Variants in CASR observed in about 807,000 individuals in gnomAD.
The protein encoded by CASR is extracellular calcium-sensing receptor.
Under a neutral mutation model 69.1 loss-of-function variants are expected in CASR, and 23 were observed. The ratio of observed to expected loss-of-function variants is 0.33; its 90% CI spans 0.24 to 0.47. The LOEUF is 0.47. Among genes scored for constraint, CASR ranks in the 20% least tolerant of loss-of-function variants. The pLI is 1.00. For synonymous variants in CASR, 541 were observed against 544.7 expected (o/e 0.99, Z 0.10); for missense variants, 924 against 1,356.1 (o/e 0.68, Z 5.00).
At chr3:122,227,350 G>A (rs901573335) in intron 1 of CASR, among the ~76,000 whole-genome samples, 1 of 152,220 alleles carries the variant, frequency 6.6e-6, no homozygotes, top group Non-Finnish European at 1.5e-5. Context: ...CGGGCTGCAG[G>A]TCCCAAGCCC....
intron 5 of CASR, among the ~76,000 whole-genome samples, chr3:122,276,536 CAAAG>C (rs2074823350): frequency 6.6e-6 from 1 of 152,210 alleles, no homozygotes; most frequent in East Asian, 1.9e-4. Context: ...GCTTACATGA[CAAAG>C]AATTGATCCC....
rs191969343 is a variant in CASR at position 122,258,986 on chromosome 3, C to T, written c.492+1599C>T. Among the ~76,000 whole-genome samples the T allele has an allele frequency of 1.0e-3, 153 of 152,074 alleles. 1 individual carries two copies. Among genetic ancestry groups the T allele is most frequent in the Admixed American group, 1.5e-3 (23 of 15,274 alleles). ...GTATTTCGTATGCCAGCCACGCCAC[C>T]AAGTGGATGGAACAAGCAGACCAGC... On this transcript the variant is annotated intron_variant, in intron 3 of 6. Coordinates refer to ENST00000639785, the MANE Select transcript of CASR (RefSeq NM_000388.4).
In CASR at chr3:122,254,173, G is replaced by A; in HGVS notation, c.-17G>A. 1 of 1,612,214 alleles carries A rather than the reference G, an allele frequency of 6.2e-7. No individual in the cohort carries two copies. The highest frequency in any genetic ancestry group is 1.1e-5 in the South Asian group (1 of 91,006). On this transcript the variant is annotated 5_prime_UTR_variant, in exon 2 of 7. Transcript: ENST00000639785. ...TCCTAGCTGTCTCATCCCTTGCCCT[G>A]GAGAGACGGCAGAACCATGGCATTT... is the stretch of plus-strand genomic sequence containing the variant.
At chr3:122,243,562 T>C (rs1362998467) in intron 1 of CASR, among the ~76,000 whole-genome samples, 5 of 152,122 alleles carry the variant, frequency 3.3e-5, no homozygotes, top group Admixed American at 6.5e-5. Context: ...GGAACTCTCA[T>C]ACGCTGTTGG....
intron 1 of CASR, among the ~76,000 whole-genome samples, chr3:122,188,693 G>GA (rs2107578438): frequency 6.6e-6 from 1 of 152,188 alleles, no homozygotes; most frequent in South Asian, 2.1e-4. Context: ...TCATTGCCTT[G>GA]AAGTGACAGA....
chr3:122,187,498 T>C (rs572637140), intron 1 of CASR, among the ~76,000 whole-genome samples: 3 of 152,236 alleles, frequency 2.0e-5, no homozygotes, highest in Non-Finnish European at 4.4e-5. Flanking sequence ...AAGGAGTTCA[T>C]AGAAGTCTGA....
At chr3:122,280,953 C>A (rs986855418) in intron 5 of CASR, among the ~76,000 whole-genome samples, 1 of 152,198 alleles carries the variant, frequency 6.6e-6, no homozygotes. Flanking sequence ...GGACTTCATT[C>A]TTATGATACA....
At chr3:122,207,212 C>T (rs759402907) in intron 1 of CASR, among the ~76,000 whole-genome samples, 15 of 151,864 alleles carry the variant, frequency 9.9e-5, no homozygotes, top group Non-Finnish European at 1.8e-4. Context: ...ATTGCAAAGT[C>T]CCCTACAACA....
intron 1 of CASR, among the ~76,000 whole-genome samples, chr3:122,226,751 C>A (rs1234904863): frequency 6.6e-6 from 1 of 151,678 alleles, no homozygotes; most frequent in African/African-American, 2.4e-5. Flanking sequence ...ATACAGAGTG[C>A]CAATTGGTGC....
intron 1 of CASR, among the ~76,000 whole-genome samples, chr3:122,250,922 A>T (rs552123720): frequency 6.6e-6 from 1 of 152,258 alleles, no homozygotes; most frequent in East Asian, 1.9e-4. Flanking sequence ...GCTCCTGAGG[A>T]TATAAACATG....
rs1400216861 is a variant in CASR at position 122,216,430 on chromosome 3, G to T, written c.-243+32618G>T. On this transcript the variant is annotated intron_variant, in intron 1 of 6. Transcript: ENST00000639785. ...CTGTGTGGCAAATGACTTCAGTCTGGGGTGTCTATGGAATTTTAGAAGGAT... is the reference window on the plus strand; with the variant it reads ...CTGTGTGGCAAATGACTTCAGTCTGTGGTGTCTATGGAATTTTAGAAGGAT... 3.3e-5 allele frequency among the ~76,000 whole-genome samples: 5 copies of T among 152,154 alleles called. No individual in the cohort carries two copies. In the East Asian group the frequency reaches 9.6e-4, roughly 29 times the overall value.
In CASR at chr3:122,291,113, T is replaced by C. The variant is rs1202780466; in HGVS notation, c.*5922T>C. Reference sequence around the variant, plus strand: ...CATGGTGTATATGTGCCACATTTTCTTAATCCAGTCTATCGTTGTTGGACA... The same window carrying C: ...CATGGTGTATATGTGCCACATTTTCCTAATCCAGTCTATCGTTGTTGGACA... On this transcript the variant is annotated 3_prime_UTR_variant, in exon 7 of 7. Transcript: ENST00000639785. The C allele has an allele frequency of 1.4e-5, 2 of 142,472 alleles. No homozygotes were observed. Among genetic ancestry groups the C allele is most frequent in the African/African-American group, 5.1e-5 (2 of 39,164 alleles). The allele number at this position is 142,472 out of a possible 1,614,324, so 8.8% of individuals were successfully genotyped here.
At chr3:122,221,285 CA>C (rs372683573) in intron 1 of CASR, among the ~76,000 whole-genome samples, 7 of 152,266 alleles carry the variant, frequency 4.6e-5, no homozygotes, top group African/African-American at 1.7e-4. Flanking sequence ...CTTTTCCCCT[CA>C]CCCCCTTCCT....
intron 3 of CASR, among the ~76,000 whole-genome samples, chr3:122,258,299 A>G (rs577580844): frequency 6.6e-5 from 10 of 151,852 alleles, no homozygotes; most frequent in African/African-American, 2.4e-4. Flanking sequence ...TGAATGTTTA[A>G]TATTTAAAAT....
At chr3:122,205,455 A>T (rs573600394) in intron 1 of CASR, among the ~76,000 whole-genome samples, 8 of 151,974 alleles carry the variant, frequency 5.3e-5, no homozygotes, top group Non-Finnish European at 8.8e-5. Context: ...TTTTTATGCC[A>T]TTATGCTGAT....
chr3:122,245,481 A>G (rs1294069548), intron 1 of CASR: 2 of 152,212 alleles, frequency 1.3e-5, no homozygotes, highest in African/African-American at 4.8e-5. Context: ...CTTATGATTT[A>G]TGAAGTTTTT....
At chr3:122,209,941 A>G (rs2074045695) in intron 1 of CASR, among the ~76,000 whole-genome samples, 1 of 152,220 alleles carries the variant, frequency 6.6e-6, no homozygotes, top group South Asian at 2.1e-4. Flanking sequence ...AATTACACAA[A>G]TAAATCAATG....
rs1329833347 is a variant in CASR at position 122,254,325 on chromosome 3, G to A, written c.136G>A (p.Ala46Thr). 2 of 1,614,178 alleles carry A rather than the reference G, an allele frequency of 1.2e-6. No individual in the cohort carries two copies. The highest frequency in any genetic ancestry group is 8.5e-7 in the Non-Finnish European group (1 of 1,180,030). ...GLFPIHFGVA[A>T]KDQDLKSRPE... ...CTTTCCTATTCATTTTGGAGTAGCA[G>A]CTAAAGATCAAGATCTCAAATCAAG... Residue 46 changes from alanine to threonine, a missense_variant, in exon 2 of 7, where the codon GCT becomes ACT. By Grantham distance (58) the Ala-to-Thr change is moderately conservative. Coordinates refer to ENST00000639785, the MANE Select transcript of CASR (RefSeq NM_000388.4).
intron 5 of CASR, among the ~76,000 whole-genome samples, chr3:122,278,045 G>C (rs2074843673): frequency 6.6e-6 from 1 of 152,090 alleles, no homozygotes; most frequent in Non-Finnish European, 1.5e-5. Flanking sequence ...TGCTGTTGTG[G>C]AAATGACCAC....
Sources: gnomAD v4.1 joint callset for allele counts (sites outside exome capture counted in the v4.1 genomes callset) on GRCh38, gnomAD v4.1.1 for gene constraint, MANE v1.5 for transcripts, NCBI Gene and HGNC (gene_info 2026-07-23, HGNC 2026-07-21) for gene names.